Variants in UBE2V2 observed in about 807,000 individuals in gnomAD.
The protein encoded by UBE2V2 is ubiquitin conjugating enzyme E2 V2.
Under a neutral mutation model 17.2 loss-of-function variants are expected in UBE2V2, and 9 were observed. That is an observed-to-expected ratio of 0.52 (90% CI 0.32 to 0.91). The LOEUF is 0.91. Ranked by LOEUF, UBE2V2 falls within the 40% of genes least tolerant of loss-of-function variation. The pLI is 0.04. For synonymous variants in UBE2V2, 61 were observed against 57.5 expected, an observed-to-expected ratio of 1.06 and a Z score of -0.28; for missense variants, 133 against 182.6, an observed-to-expected ratio of 0.73 and a Z score of 1.56.
chr8:47,999,773 AAAG>A, the UBE2V2 span, among the ~76,000 whole-genome samples: 2 of 152,180 alleles, frequency 1.3e-5, no homozygotes, highest in African/African-American at 2.4e-5. Context: ...ACACTGGGTT[AAAG>A]AAGGAAGGAG....
intron 1 of UBE2V2, chr8:48,034,931 C>A (rs1022063316): frequency 1.3e-6 from 1 of 786,476 alleles, no homozygotes; most frequent in Non-Finnish European, 1.5e-6. Context: ...CCTTGCTCCC[C>A]CTCCCTGCAG....
At chr8:48,029,095 A>AGGTAGGCAGATCACT (rs1326955888) in intron 1 of UBE2V2, among the ~76,000 whole-genome samples, 1 of 152,094 alleles carries the variant, frequency 6.6e-6, no homozygotes, top group Non-Finnish European at 1.5e-5. Context: ...TAGGAGGCCA[A>AGGTAGGCAGATCACT]GGTAGGCAGA....
chr8:48,008,819 T>TCCGGCACCGAAGATGGGTCAGGCCAA (rs753039831), intron 1 of UBE2V2, among the ~76,000 whole-genome samples: 2 of 151,956 alleles, frequency 1.3e-5, no homozygotes, highest in South Asian at 2.1e-4. Flanking sequence ...GGTGTCAACC[T>TCCGGCACCGAAGATGGGTCAGGCCAA]CCGGCACCGA....
intron 1 of UBE2V2, among the ~76,000 whole-genome samples, chr8:48,031,873 C>T (rs1264022305): frequency 6.6e-6 from 1 of 152,124 alleles, no homozygotes; most frequent in Non-Finnish European, 1.5e-5. Context: ...GTCTCAATCT[C>T]CTGACCTCAT....
upstream of UBE2V2, among the ~76,000 whole-genome samples, chr8:48,005,180 C>G (rs185249432): frequency 4.2e-3 from 633 of 152,130 alleles, 5 homozygotes; most frequent in South Asian, 7.3e-3. Context: ...GCCCCCAACC[C>G]CTGACAGGCC....
intron 3 of UBE2V2, 85 bp downstream of exon 3, chr8:48,050,063 G>T: frequency 6.3e-6 from 6 of 955,622 alleles, no homozygotes; most frequent in African/African-American, 1.7e-5. Context: ...ATATATGTAA[G>T]ATATTAATAT....
At chr8:48,013,487 T>G (rs894574649) in intron 1 of UBE2V2, among the ~76,000 whole-genome samples, 1 of 151,960 alleles carries the variant, frequency 6.6e-6, no homozygotes, top group African/African-American at 2.4e-5. Context: ...TTTTTTGTAT[T>G]TTTAGTAGAA....
intron 1 of UBE2V2, among the ~76,000 whole-genome samples, chr8:48,033,660 CTT>C (rs1422030747): frequency 1.3e-5 from 2 of 151,956 alleles, no homozygotes; most frequent in African/African-American, 4.8e-5. Flanking sequence ...ATAGCAAACT[CTT>C]ATTAAAAGTC....
intron 1 of UBE2V2, among the ~76,000 whole-genome samples, chr8:48,030,053 C>G (rs1420630788): frequency 2.0e-5 from 3 of 152,182 alleles, no homozygotes; most frequent in African/African-American, 7.2e-5. Flanking sequence ...CTTGATAGTT[C>G]TGCAATAAAC....
chr8:48,032,587 T>C lies in UBE2V2; in HGVS notation c.17-10446T>C, dbSNP rs186121937. Among the ~76,000 whole-genome samples, 3 of 152,240 alleles carry C rather than the reference T, an allele frequency of 2.0e-5. No individual in the cohort carries two copies. In the East Asian group the frequency reaches 5.8e-4, roughly 29 times the overall value. ...GGGCAGCCTAGCAAGACCTTGTCTC[T>C]ACTAAAAATATTTTAAAAATTAGCT... On this transcript the variant is annotated intron_variant, in intron 1 of 3. Transcript: ENST00000523111.
chr8:48,061,244 A>G lies in UBE2V2; in HGVS notation c.*416A>G, dbSNP rs1466619682. 1 of 152,698 alleles carries G rather than the reference A, an allele frequency of 6.5e-6. No homozygotes were observed. The highest frequency in any genetic ancestry group is 1.5e-5 in the Non-Finnish European group (1 of 68,300). The allele number at this position is 152,698 out of a possible 1,614,324, so 9.5% of individuals were successfully genotyped here. ...CAGTTGAAATTGTTTAAAAAGTAGC[A>G]GGTACAATGAATATTGTCACAGATG... On this transcript the variant is annotated 3_prime_UTR_variant, in exon 4 of 4. Transcript: ENST00000523111.
At chr8:48,008,284 C>T (rs899081458), upstream of UBE2V2, 10 of 739,414 alleles carry the variant, frequency 1.4e-5, no homozygotes, top group African/African-American at 1.3e-4. Flanking sequence ...ATTGCGGAAA[C>T]AGCAGCGAGG....
chr8:48,061,453 A>G lies in UBE2V2; in HGVS notation c.*625A>G, dbSNP rs1352671011. On this transcript the variant is annotated 3_prime_UTR_variant, in exon 4 of 4. Coordinates refer to ENST00000523111, the MANE Select transcript of UBE2V2 (RefSeq NM_003350.3). The stretch of plus-strand genomic sequence containing the variant: ...AATATTTGTTTACAGTCTTTGTTTA[A>G]CAAACCATGCATTTAAGTTTAAGTG... 1 of 152,650 alleles carries G rather than the reference A, an allele frequency of 6.6e-6. No homozygotes were observed. The highest frequency in any genetic ancestry group is 2.4e-5 in the African/African-American group (1 of 41,468). 9.5% of individuals were successfully genotyped at this position (152,650 alleles called of 1,614,324 possible).
rs373454924 is a variant in UBE2V2, at chr8:48,060,703, G to C, written c.313G>C (p.Val105Leu). ...TCAGGTGGATGCCCGGAGCATACCA[G>C]TGTTAGCAAAATGGCAAAATTCATA... is the stretch of plus-strand genomic sequence containing the variant. ...SGMVDARSIPVLAKWQNSYSI... is the reference protein window; with the variant it reads ...SGMVDARSIPLLAKWQNSYSI... Residue 105 changes from valine (V) to leucine (L), a missense_variant, in exon 4 of 4, where the codon GTG (valine) becomes CTG (leucine). Around this residue, in one of 3 missense-constraint regions of UBE2V2, gnomAD observed 92 missense variants for 124.3 expected, o/e 0.74. Transcript: ENST00000523111. 4 of 1,522,512 alleles carry C rather than the reference G, an allele frequency of 2.6e-6. No homozygotes were observed. The highest frequency in any genetic ancestry group is 3.5e-6 in the Non-Finnish European group (4 of 1,136,420). 94.3% of individuals were successfully genotyped at this position (1,522,512 alleles called of 1,614,324 possible).
intron 1 of UBE2V2, among the ~76,000 whole-genome samples, chr8:48,040,930 T>C (rs949021373): frequency 7.0e-6 from 1 of 142,162 alleles, no homozygotes; most frequent in African/African-American, 2.6e-5. Flanking sequence ...AGTGGTGCGA[T>C]CTCGGCTCAC....
intron 3 of UBE2V2, among the ~76,000 whole-genome samples, chr8:48,053,764 T>TA (rs1305207434): frequency 6.6e-6 from 1 of 151,430 alleles, no homozygotes; most frequent in Non-Finnish European, 1.5e-5. Flanking sequence ...ACATTATAAA[T>TA]AGAGTTAATT....
intron 2 of UBE2V2, among the ~76,000 whole-genome samples, chr8:48,046,645 G>A (rs2091501387): frequency 1.3e-5 from 2 of 152,156 alleles, no homozygotes; most frequent in South Asian, 2.1e-4. Flanking sequence ...TGTCAACCAG[G>A]CTGGAGTGTA....
chr8:48,054,268 G>T (rs891167709), intron 3 of UBE2V2, among the ~76,000 whole-genome samples: 1 of 152,136 alleles, frequency 6.6e-6, no homozygotes, highest in Non-Finnish European at 1.5e-5. Context: ...GCTGCTCTCG[G>T]GAATACATCT....
At chr8:48,032,070 A>G (rs1279062050) in intron 1 of UBE2V2, among the ~76,000 whole-genome samples, 1 of 152,196 alleles carries the variant, frequency 6.6e-6, no homozygotes, top group Middle Eastern at 3.2e-3. Flanking sequence ...GGTATCATGT[A>G]GTTGGTTATG....
Sources: gnomAD v4.1 joint callset for allele counts (sites outside exome capture counted in the v4.1 genomes callset) on GRCh38, gnomAD v4.1.1 for gene constraint, gnomAD v4.1.1 regional missense constraint, MANE v1.5 for transcripts, NCBI Gene and HGNC (gene_info 2026-07-23, HGNC 2026-07-21) for gene names.